SMYD3: variants seen among roughly 807,000 people sequenced by gnomAD.
SMYD3 encodes SET and MYND domain containing 3, also known as histone-lysine N-methyltransferase SMYD3.
SMYD3 carries 36 observed loss-of-function variants against 57.7 expected under a neutral mutation model. That is an observed-to-expected ratio of 0.62 (90% confidence interval 0.48 to 0.82). The LOEUF (loss-of-function observed/expected upper bound fraction) is 0.82, where lower values mean the gene tolerates loss of function less well. Ranked by LOEUF, SMYD3 falls within the 40% of genes least tolerant of loss-of-function variation. The probability of loss-of-function intolerance (pLI) is 0.00; values close to 1 mark genes in which losing one functional copy is unlikely to be tolerated. For synonymous variants in SMYD3, 211 were observed against 195.0 expected (o/e 1.08, Z -0.68); for missense variants, 515 against 538.8 (o/e 0.96, Z 0.44).
chr1:246,276,513 T>C (rs1171399706), intron 5 of SMYD3, among the ~76,000 whole-genome samples: 1 of 150,958 alleles, frequency 6.6e-6, no homozygotes, highest in Non-Finnish European at 1.5e-5. Flanking sequence ...GAATACTAAC[T>C]CTGTTTTTTA....
At chr1:245,801,867 A>T (rs1025243588) in intron 10 of SMYD3, among the ~76,000 whole-genome samples, 1 of 152,122 alleles carries the variant, frequency 6.6e-6, no homozygotes, top group African/African-American at 2.4e-5. Flanking sequence ...TACAAAAACA[A>T]CGACACATGA....
chr1:246,237,563 C>T (rs2063532164), intron 5 of SMYD3, among the ~76,000 whole-genome samples: 1 of 152,036 alleles, frequency 6.6e-6, no homozygotes, highest in East Asian at 1.9e-4. Context: ...GTAAGTCACT[C>T]CCTCCCCGTT....
intron 1 of SMYD3, among the ~76,000 whole-genome samples, chr1:246,406,661 G>A (rs6672203): frequency 0.18 from 26,907 of 152,142 alleles, 2,453 homozygotes; most frequent in African/African-American, 0.21. Context: ...CTACAAGGTA[G>A]ATACTCAATG....
intron 8 of SMYD3, among the ~76,000 whole-genome samples, chr1:245,901,893 A>G (rs76381680): frequency 6.6e-6 from 1 of 152,300 alleles, no homozygotes; most frequent in East Asian, 1.9e-4. Flanking sequence ...TCCTAGCCAC[A>G]GGAGAGCTGC....
intron 5 of SMYD3, among the ~76,000 whole-genome samples, chr1:246,286,317 G>A (rs1440791646): frequency 6.6e-6 from 1 of 151,950 alleles, no homozygotes; most frequent in Non-Finnish European, 1.5e-5. Flanking sequence ...GTGCAGATTT[G>A]TTACATAGGT....
At position 245,938,891 on chromosome 1, in the gene SMYD3, G is replaced by C. The variant is rs529155933; in HGVS notation, c.532-8954C>G. Among the ~76,000 whole-genome samples, 12 of 152,270 alleles carry C rather than the reference G, an allele frequency of 7.9e-5. No individual in the cohort carries two copies. The South Asian group carries it at 1.2e-3, about 16-fold the overall frequency. On this transcript the variant is annotated intron_variant, in intron 5 of 11. Coordinates refer to ENST00000490107, the MANE Select transcript of SMYD3 (RefSeq NM_001167740.2). ...GTTGCTGCAGCAATTTGCAAGGAAG[G>C]TTCCCCTTTCCTGACTCAAGAGTTC...
chr1:245,876,069 G>A (rs990915518), intron 8 of SMYD3, among the ~76,000 whole-genome samples: 1 of 152,158 alleles, frequency 6.6e-6, no homozygotes, highest in Non-Finnish European at 1.5e-5. Context: ...CCAGAGGGCT[G>A]CAGAGAGCTT....
In SMYD3 at chr1:246,008,686, G is replaced by A. The variant is rs116007008; in HGVS notation, c.532-78749C>T. On this transcript the variant is annotated intron_variant, in intron 5 of 11. Coordinates refer to ENST00000490107, the MANE Select transcript of SMYD3 (RefSeq NM_001167740.2). ...CTGTTTAATGAGGAGTCTCAACACC[G>A]GGGAACAAAGCAGTAGTGTTTGCAC... 2.6e-3 allele frequency among the ~76,000 whole-genome samples: 391 copies of A among 152,256 alleles called. 2 individuals are homozygous for A. Among genetic ancestry groups the A allele is most frequent in the African/African-American group, 8.1e-3 (337 of 41,548 alleles).
intron 5 of SMYD3, among the ~76,000 whole-genome samples, chr1:246,213,905 A>G (rs1572221714): frequency 6.6e-6 from 1 of 152,106 alleles, no homozygotes; most frequent in African/African-American, 2.4e-5. Context: ...TGAATTTCCT[A>G]GTTTATAATC....
chr1:246,314,156 C>CT (rs879724802), intron 5 of SMYD3, among the ~76,000 whole-genome samples: 1 of 152,110 alleles, frequency 6.6e-6, no homozygotes, highest in African/African-American at 2.4e-5. Context: ...CATGATGTAC[C>CT]ACCTGGATAA....
intron 5 of SMYD3, among the ~76,000 whole-genome samples, chr1:246,291,903 C>T (rs1457359735): frequency 6.6e-6 from 1 of 151,750 alleles, no homozygotes; most frequent in African/African-American, 2.4e-5. Context: ...TCCAACACAC[C>T]AGCATCTTAG....
chr1:246,162,421 C>G (rs973263708), intron 5 of SMYD3, among the ~76,000 whole-genome samples: 2 of 152,196 alleles, frequency 1.3e-5, no homozygotes, highest in African/African-American at 2.4e-5. Context: ...TTGCAGCCAA[C>G]TGATCTGAAC....
chr1:246,223,246 T>C (rs913841280), intron 5 of SMYD3, among the ~76,000 whole-genome samples: 2 of 152,104 alleles, frequency 1.3e-5, no homozygotes, highest in Non-Finnish European at 2.9e-5. Context: ...TCACAACTGA[T>C]TCAGTGAGCC....
At chr1:246,283,266 G>A (rs927604845) in intron 5 of SMYD3, among the ~76,000 whole-genome samples, 2 of 152,198 alleles carry the variant, frequency 1.3e-5, no homozygotes, top group Admixed American at 6.5e-5. Context: ...ACATTGCCAA[G>A]AGTGTAACAG....
chr1:246,358,829 A>C (rs2065946305), intron 1 of SMYD3, among the ~76,000 whole-genome samples: 2 of 152,248 alleles, frequency 1.3e-5, no homozygotes, highest in African/African-American at 4.8e-5. Flanking sequence ...CTAAGCAGAA[A>C]GTTCGGAGCA....
chr1:246,146,674 C>T lies in SMYD3; in HGVS notation c.531+180527G>A, dbSNP rs141790788. On this transcript the variant is annotated intron_variant, in intron 5 of 11. Coordinates refer to ENST00000490107, the MANE Select transcript of SMYD3 (RefSeq NM_001167740.2). ...GAGTGTGGAGAACCAGTCTGGGAAG[C>T]AGAGACTAGAAAGGAGGCAAACTGC... Among the ~76,000 whole-genome samples, 198 of 152,176 alleles carry T rather than the reference C, an allele frequency of 1.3e-3. 2 individuals are homozygous for T. Among genetic ancestry groups the T allele is most frequent in the African/African-American group, 4.6e-3 (190 of 41,500 alleles).
At chr1:246,125,121 T>C (rs1165311889) in intron 5 of SMYD3, among the ~76,000 whole-genome samples, 1 of 151,076 alleles carries the variant, frequency 6.6e-6, no homozygotes, top group Non-Finnish European at 1.5e-5. Context: ...GAATTTCCCT[T>C]ATGGAGTTAT....
chr1:245,963,582 G>A (rs1462424927), intron 5 of SMYD3, among the ~76,000 whole-genome samples: 1 of 151,208 alleles, frequency 6.6e-6, no homozygotes, highest in African/African-American at 2.4e-5. Flanking sequence ...GAGTATCAGA[G>A]AAAAATTCCC....
chr1:245,916,156 T>TA (rs1449378334), intron 7 of SMYD3, among the ~76,000 whole-genome samples: 2 of 150,904 alleles, frequency 1.3e-5, no homozygotes, highest in Non-Finnish European at 3.0e-5. Context: ...TATCTAGGTT[T>TA]GGAAAAAAAA....
Sources: gnomAD v4.1 joint callset for allele counts (sites outside exome capture counted in the v4.1 genomes callset) on GRCh38, gnomAD v4.1.1 for gene constraint, MANE v1.5 for transcripts, NCBI Gene and HGNC (gene_info 2026-07-23, HGNC 2026-07-21) for gene names.